Variants in CAPN14 observed in about 807,000 individuals in gnomAD.
The protein encoded by CAPN14 is calpain 14, also known as calpain-14.
In CAPN14, 94 loss-of-function variants were observed where a neutral mutation model predicts 101.3. The ratio of observed to expected loss-of-function variants is 0.93; its 90% CI spans 0.79 to 1.10. The LOEUF (loss-of-function observed/expected upper bound fraction) is 1.10. CAPN14 is among the 50% of genes least tolerant of loss of function. The probability of loss-of-function intolerance (pLI) is 0.00; values close to 1 mark genes in which losing one functional copy is unlikely to be tolerated. For synonymous variants in CAPN14, 338 were observed against 317.9 expected, an observed-to-expected ratio of 1.06 and a Z score of -0.67; for missense variants, 837 against 828.4, an observed-to-expected ratio of 1.01 and a Z score of -0.13.
Position 31,230,570 on chromosome 2 carries a change from T to C in CAPN14, c.-177+3221A>G, listed in dbSNP as rs1178075993. Reference sequence around the variant, plus strand: ...CATTTTGGTGGGTATGGAGTGTTAGTGTGGTTTGGCATTTCTCTAATTACT... The same window carrying C: ...CATTTTGGTGGGTATGGAGTGTTAGCGTGGTTTGGCATTTCTCTAATTACT... On this transcript the variant is annotated intron_variant and NMD_transcript_variant, in intron 1 of 21. Transcript: ENST00000398824. This position sits in a 1 kb window ranked among gnomAD's most constrained non-coding sequence, Gnocchi z 4.3. Among the ~76,000 whole-genome samples, 1 of 152,214 alleles carries C rather than the reference T, an allele frequency of 6.6e-6. No individual in the cohort carries two copies. Among genetic ancestry groups the C allele is most frequent in the Non-Finnish European group, 1.5e-5 (1 of 68,040 alleles).
chr2:31,191,601 T>C (rs1032796612), intron 11 of CAPN14, among the ~76,000 whole-genome samples, 194 bp from the exon 12 acceptor site: 1 of 152,198 alleles, frequency 6.6e-6, no homozygotes, highest in African/African-American at 2.4e-5. Context: ...TTGGAAATTC[T>C]GGAAAAGAGG....
intron 17 of CAPN14, among the ~76,000 whole-genome samples, chr2:31,178,804 G>A (rs1448863211): frequency 6.6e-6 from 1 of 152,002 alleles, no homozygotes; most frequent in African/African-American, 2.4e-5. Flanking sequence ...AGCAGCACTG[G>A]GAGAAGCGAT....
intron 1 of CAPN14, among the ~76,000 whole-genome samples, chr2:31,207,522 C>T (rs1682164584): frequency 6.6e-6 from 1 of 152,212 alleles, no homozygotes; most frequent in Non-Finnish European, 1.5e-5. Flanking sequence ...AATCCCAGCA[C>T]TTTGGGAAGC....
At chr2:31,232,444 G>A (rs1683223242) in intron 1 of CAPN14, among the ~76,000 whole-genome samples, 1 of 152,200 alleles carries the variant, frequency 6.6e-6, no homozygotes, top group South Asian at 2.1e-4. Flanking sequence ...GTATTCGTCT[G>A]TTTTCACACT....
At chr2:31,194,701 A>T (rs1681379768) in intron 8 of CAPN14, among the ~76,000 whole-genome samples, 1 of 152,222 alleles carries the variant, frequency 6.6e-6, no homozygotes, top group Middle Eastern at 3.2e-3. Flanking sequence ...TTCAAGGCTA[A>T]CCACAACTTT....
At chr2:31,206,375 C>A (rs1424343704) in intron 1 of CAPN14, among the ~76,000 whole-genome samples, 1 of 152,164 alleles carries the variant, frequency 6.6e-6, no homozygotes, top group Non-Finnish European at 1.5e-5. Flanking sequence ...CGTGGGCGAG[C>A]CGGCAGTGCA....
At chr2:31,227,825 A>C (rs1185841030) in intron 1 of CAPN14, among the ~76,000 whole-genome samples, 1 of 152,240 alleles carries the variant, frequency 6.6e-6, no homozygotes, top group African/African-American at 2.4e-5. Context: ...GAAGGCAAAC[A>C]ATTTAAACAT....
At chr2:31,201,545 G>A in intron 5 of CAPN14, among the ~76,000 whole-genome samples, 1 of 152,160 alleles carries the variant, frequency 6.6e-6, no homozygotes. Context: ...CAAATGAGAA[G>A]TGAAGCCTTT....
At chr2:31,183,808 TTCCCTCCCTCTC>T (rs1420853648) in intron 16 of CAPN14, among the ~76,000 whole-genome samples, 3 of 136,244 alleles carry the variant, frequency 2.2e-5, no homozygotes, top group East Asian at 4.2e-4. Flanking sequence ...TCCTTCCTTC[TTCCCTCCCTCTC>T]TCCCTCCCTC....
intron 16 of CAPN14, among the ~76,000 whole-genome samples, chr2:31,184,427 A>G (rs1680809423): frequency 6.6e-6 from 1 of 152,206 alleles, no homozygotes; most frequent in Non-Finnish European, 1.5e-5. Context: ...GATGGTTTCT[A>G]AACCCTCAAC....
intron 13 of CAPN14, 23 bp from the exon 14 acceptor site, chr2:31,188,377 A>T (rs1167938794): frequency 6.4e-7 from 1 of 1,550,992 alleles, no homozygotes; most frequent in Admixed American, 2.0e-5. Flanking sequence ...AAACAAGAAC[A>T]AACTCAGAGT....
chr2:31,201,794 C>T (rs1681794981), intron 5 of CAPN14, 68 bp downstream of exon 5: 1 of 1,527,632 alleles, frequency 6.5e-7, no homozygotes, highest in Non-Finnish European at 8.9e-7. Flanking sequence ...GACTCCACTC[C>T]CCTCCCTCAA....
At position 31,199,497 on chromosome 2, in the gene CAPN14, A is replaced by G. The variant is rs1169440343; in HGVS notation, c.762T>C (p.His254=). 6.4e-7 allele frequency: 1 copy of G among 1,551,600 alleles called. No homozygotes were observed. Among genetic ancestry groups the G allele is most frequent in the Non-Finnish European group, 8.7e-7 (1 of 1,146,940 alleles). The change falls in exon 7 of 22, where the codon CAT becomes CAC. Residue 254 remains histidine (H), a synonymous_variant. Transcript: ENST00000403897. The part of the protein sequence containing the change: ...KILENGLVEG[H]AYTLTGIRKV... ...TCCTGATTCCTGTGAGAGTATAGGCATGGCCTTCCACCAGCCCATTCTCCA... is the reference window on the plus strand; with the variant it reads ...TCCTGATTCCTGTGAGAGTATAGGCGTGGCCTTCCACCAGCCCATTCTCCA...
chr2:31,201,185 A>ATG (rs1296909407), intron 5 of CAPN14, among the ~76,000 whole-genome samples: 6 of 139,784 alleles, frequency 4.3e-5, no homozygotes. Context: ...ATGTATGTGC[A>ATG]TGTGTGTGTG....
At chr2:31,185,151 T>C (rs1302684771) in intron 16 of CAPN14, among the ~76,000 whole-genome samples, 1 of 152,222 alleles carries the variant, frequency 6.6e-6, no homozygotes, top group Non-Finnish European at 1.5e-5. Flanking sequence ...CTATATTCCA[T>C]GTCTTCTTCC....
chr2:31,179,675 C>A (rs1039649344), intron 17 of CAPN14, among the ~76,000 whole-genome samples: 2 of 152,228 alleles, frequency 1.3e-5, no homozygotes, highest in Non-Finnish European at 2.9e-5. Flanking sequence ...TTTACAGTCC[C>A]ACCAACAGTG....
chr2:31,203,290 GAT>G (rs1056278278), intron 2 of CAPN14, among the ~76,000 whole-genome samples, 151 bp from the exon 3 acceptor site: 25 of 152,148 alleles, frequency 1.6e-4, no homozygotes, highest in African/African-American at 6.0e-4. Flanking sequence ...GAAGATCTGG[GAT>G]ACAGAATTCT....
intron 1 of CAPN14, among the ~76,000 whole-genome samples, chr2:31,228,097 G>A (rs1476144119): frequency 6.6e-6 from 1 of 152,254 alleles, no homozygotes; most frequent in Admixed American, 6.5e-5. Context: ...ACGCATGCGT[G>A]CATGGTTGTA....
At chr2:31,177,000 C>T in intron 20 of CAPN14, 26 bp downstream of exon 20, 1 of 1,488,440 alleles carries the variant, frequency 6.7e-7, no homozygotes, top group Non-Finnish European at 9.2e-7. Flanking sequence ...GAAGACCTGG[C>T]CCTCCCCAGC....
Sources: allele counts gnomAD v4.1 joint callset (sites outside exome capture counted in the v4.1 genomes callset), GRCh38; gene constraint gnomAD v4.1.1; non-coding constraint Gnocchi (gnomAD v3.1); transcripts MANE v1.5; gene names NCBI Gene and HGNC (gene_info 2026-07-23, HGNC 2026-07-21).